The following TRPM8 variants were observed in gnomAD, a reference collection of about 807,000 sequenced individuals.
TRPM8 encodes the protein transient receptor potential cation channel subfamily M member 8, also known as TRPM8 cationic channel.
TRPM8 carries 110 observed loss-of-function variants against 133.7 expected under a neutral mutation model. The ratio of observed to expected loss-of-function variants is 0.82; its 90% CI spans 0.70 to 0.96. The LOEUF (loss-of-function observed/expected upper bound fraction) is 0.96. Among genes scored for constraint, TRPM8 ranks in the 40% least tolerant of loss-of-function variants. TRPM8 has a pLI of 0.00. For synonymous variants in TRPM8, 535 were observed against 532.3 expected (o/e 1.01, Z -0.07); for missense variants, 1,291 against 1,379.5 (o/e 0.94, Z 1.02).
At chr2:233,998,408 C>G (rs190742782) in intron 22 of TRPM8, among the ~76,000 whole-genome samples, 5 of 152,338 alleles carry the variant, frequency 3.3e-5, no homozygotes, top group Admixed American at 1.3e-4. Flanking sequence ...GTGACCATCT[C>G]GTTGTAGTTT....
intron 24 of TRPM8, among the ~76,000 whole-genome samples, chr2:234,012,942 A>G (rs1166316077): frequency 6.6e-6 from 1 of 151,962 alleles, no homozygotes. Context: ...CATATTTTGA[A>G]CCACCCTTGC....
chr2:233,955,922 A>C (rs1043562824), intron 11 of TRPM8, among the ~76,000 whole-genome samples: 1 of 152,022 alleles, frequency 6.6e-6, no homozygotes, highest in African/African-American at 2.4e-5. Flanking sequence ...AGGAGCGTGA[A>C]CCCTGTTGTG....
At chr2:234,008,134 T>A in intron 24 of TRPM8, 31 bp downstream of exon 24, 1 of 1,584,178 alleles carries the variant, frequency 6.3e-7, no homozygotes, top group Non-Finnish European at 8.5e-7. Context: ...TGGATTTTTT[T>A]TTTTTTTTGG....
At chr2:233,924,845 C>T (rs761098773) in intron 1 of TRPM8, among the ~76,000 whole-genome samples, 1 of 152,226 alleles carries the variant, frequency 6.6e-6, no homozygotes, top group Non-Finnish European at 1.5e-5. Context: ...GAATACCTTG[C>T]AGGATTGATC....
At chr2:233,935,980 C>T (rs1051400232) in intron 3 of TRPM8, among the ~76,000 whole-genome samples, 2 of 152,058 alleles carry the variant, frequency 1.3e-5, no homozygotes, top group Admixed American at 6.5e-5. Flanking sequence ...TTTCTGTTGT[C>T]ACTGCCCTCA....
intron 21 of TRPM8, among the ~76,000 whole-genome samples, chr2:233,987,880 C>T (rs968796932): frequency 1.3e-5 from 2 of 152,148 alleles, no homozygotes; most frequent in African/African-American, 2.4e-5. Context: ...TTGCCTGCTG[C>T]CATCCACGTA....
At position 233,980,254 on chromosome 2, in the gene TRPM8, T is replaced by C. The variant is rs560346678; in HGVS notation, c.2422T>C (p.Tyr808His). ...WNVMDTLGLF[Y>H]FIAGIVFRLH... ...TGTGATGGACACGCTGGGGCTTTTT[T>C]ACTTCATAGCAGGAATTGTATTTCG... is the stretch of plus-strand genomic sequence containing the variant. Residue 808 changes from tyrosine to histidine, a missense_variant, in exon 18 of 26, where the codon TAC (tyrosine) becomes CAC (histidine). Tyr to His is a moderately conservative substitution (Grantham distance 83, BLOSUM62 2). Transcript: ENST00000324695. 2 of 1,601,054 alleles carry C rather than the reference T, an allele frequency of 1.2e-6. No individual in the cohort carries two copies. The highest frequency in any genetic ancestry group is 2.3e-5 in the South Asian group (2 of 88,008).
intron 17 of TRPM8, among the ~76,000 whole-genome samples, chr2:233,975,178 A>G (rs1049071991): frequency 3.8e-5 from 2 of 52,972 alleles, no homozygotes; most frequent in African/African-American, 8.0e-5. Flanking sequence ...TTTCTTATTC[A>G]CATTTGGTCC....
chr2:233,942,847 C>G, intron 6 of TRPM8, 99 bp downstream of exon 6: 2 of 1,425,948 alleles, frequency 1.4e-6, no homozygotes, highest in Non-Finnish European at 2.0e-6. Flanking sequence ...TGGAGCCAGC[C>G]AGATCATGGG....
chr2:233,990,628 C>T (rs767896543), intron 21 of TRPM8, among the ~76,000 whole-genome samples: 3 of 152,202 alleles, frequency 2.0e-5, no homozygotes, highest in African/African-American at 4.8e-5. Context: ...ACACTAATCA[C>T]GGGTTTCTGT....
intron 5 of TRPM8, among the ~76,000 whole-genome samples, chr2:233,940,738 C>T (rs913656609): frequency 6.6e-6 from 1 of 152,144 alleles, no homozygotes; most frequent in African/African-American, 2.4e-5. Context: ...TCAATCACTG[C>T]AAGCATGGGT....
chr2:233,927,922 CTT>C (rs755518592), intron 2 of TRPM8, among the ~76,000 whole-genome samples: 1,869 of 39,580 alleles, frequency 0.047, 214 homozygotes, highest in East Asian at 0.23. Flanking sequence ...CTCTCTCTCT[CTT>C]TCTCTCTCTC....
chr2:234,016,773 C>A (rs957450558), intron 25 of TRPM8, among the ~76,000 whole-genome samples: 1 of 152,094 alleles, frequency 6.6e-6, no homozygotes, highest in Admixed American at 6.6e-5. Flanking sequence ...GCAGTGGGCA[C>A]CCTCCCTGAA....
intron 6 of TRPM8, among the ~76,000 whole-genome samples, chr2:233,945,027 A>G (rs925940641): frequency 2.0e-5 from 3 of 152,074 alleles, no homozygotes; most frequent in African/African-American, 7.3e-5. Context: ...TAGTATTCAG[A>G]TTAATAAATT....
At chr2:233,975,300 T>C (rs13414162) in intron 17 of TRPM8, among the ~76,000 whole-genome samples, 110,220 of 152,110 alleles carry the variant, frequency 0.72, 40,652 homozygotes, top group Middle Eastern at 0.83. Flanking sequence ...CTGTGTGCCC[T>C]GGAGTGGCCA....
At chr2:234,014,084 C>G (rs763087681) in intron 24 of TRPM8, among the ~76,000 whole-genome samples, 12 of 152,056 alleles carry the variant, frequency 7.9e-5, no homozygotes, top group Non-Finnish European at 1.5e-4. Context: ...ATGCCTCTTA[C>G]TTAAATTGTC....
intron 11 of TRPM8, among the ~76,000 whole-genome samples, chr2:233,960,078 G>A (rs1313766837): frequency 6.6e-6 from 1 of 151,842 alleles, no homozygotes; most frequent in Admixed American, 6.6e-5. Context: ...TTATCCGTAA[G>A]TTCCTATGGG....
At chr2:233,969,669 T>C (rs1411930218) in intron 15 of TRPM8, 26 bp from the exon 16 acceptor site, 5 of 1,435,764 alleles carry the variant, frequency 3.5e-6, no homozygotes, top group Non-Finnish European at 4.9e-6. Flanking sequence ...ATAAGGACCT[T>C]GTTCTCTGTC....
chr2:233,927,713 TC>T (rs1691549303), intron 2 of TRPM8, among the ~76,000 whole-genome samples: 1 of 12,566 alleles, frequency 8.0e-5, no homozygotes, highest in Non-Finnish European at 1.3e-4. Context: ...TCTGTCTCTT[TC>T]TTTCTTTCTT....
Sources: allele counts gnomAD v4.1 joint callset (sites outside exome capture counted in the v4.1 genomes callset), GRCh38; gene constraint gnomAD v4.1.1; transcripts MANE v1.5; gene names NCBI Gene and HGNC (gene_info 2026-07-23, HGNC 2026-07-21).